The following CFAP47 variants were observed in gnomAD, a reference collection of about 807,000 sequenced individuals.
CFAP47 encodes cilia- and flagella-associated protein 47.
A neutral mutation model predicts 148.1 loss-of-function variants in CFAP47; 29 were observed. The ratio of observed to expected loss-of-function variants is 0.20; its 90% confidence interval spans 0.15 to 0.27. CFAP47 has a LOEUF of 0.27. CFAP47 is among the 10% of genes least tolerant of loss of function. CFAP47 has a pLI of 1.00. For missense variants in CFAP47, 1,872 were observed against 1,697.5 expected (o/e 1.10, Z -1.81); for synonymous variants, 664 against 577.3 (o/e 1.15, Z -2.15).
chrX:36,286,792 T>A (rs993605970), intron 51 of CFAP47, among the ~76,000 whole-genome samples: 24 of 111,304 alleles, frequency 2.2e-4, no homozygotes, highest in Non-Finnish European at 2.5e-4. Context: ...AAAGGAGAAA[T>A]TGGCTTTCTT....
chrX:36,083,022 G>T (rs750674910), intron 29 of CFAP47, among the ~76,000 whole-genome samples: 1 of 110,991 alleles, frequency 9.0e-6, no homozygotes, highest in Non-Finnish European at 1.9e-5. Context: ...TGTTAATATA[G>T]TTATGTATTT....
chrX:36,098,476 C>T, intron 30 of CFAP47, among the ~76,000 whole-genome samples: 1 of 111,124 alleles, frequency 9.0e-6, no homozygotes, highest in Non-Finnish European at 1.9e-5. Context: ...CAGGTGGGTC[C>T]AGAGGTGCTG....
intron 59 of CFAP47, among the ~76,000 whole-genome samples, chrX:36,351,399 A>G (rs782296019): frequency 2.7e-5 from 3 of 111,908 alleles, no homozygotes; most frequent in Admixed American, 9.6e-5. Flanking sequence ...GATATAGCTG[A>G]ACTGCTTAAA....
chrX:36,138,026 A>G lies in CFAP47; in HGVS notation c.5389A>G (p.Thr1797Ala). 1.1e-6 allele frequency: 1 copy of G among 935,549 alleles called. No individual in the cohort carries two copies. Among genetic ancestry groups the G allele is most frequent in the East Asian group, 3.1e-5 (1 of 31,989 alleles). The allele number at this position is 935,549 out of a possible 1,213,427, so 77.1% of individuals were successfully genotyped here. The change falls in exon 34 of 64, where the codon ACA becomes GCA. Residue 1797 changes from threonine (T) to alanine (A), a missense_variant. Transcript: ENST00000378653. ...CCTTTCAGATGGTCTTGTTTTTGCA[A>G]CACAGTTGGGAGCCTATTGCCCATT... ...KDLSDGLVFA[T>A]QLGAYCPFLI...
At chrX:35,997,426 G>A (rs1467838694) in intron 19 of CFAP47, 37 bp downstream of exon 19, 2 of 290,146 alleles carry the variant, frequency 6.9e-6, no homozygotes, top group Admixed American at 6.3e-5. Context: ...GAAACTCTGA[G>A]TGTGGTGATT....
chrX:35,955,869 A>G, intron 7 of CFAP47, 92 bp from the exon 8 acceptor site: 1 of 1,127,934 alleles, frequency 8.9e-7, no homozygotes, highest in East Asian at 3.1e-5. Flanking sequence ...CCCAATTTGC[A>G]TTAGGTATTT....
intron 30 of CFAP47, among the ~76,000 whole-genome samples, chrX:36,092,141 A>G (rs1017184331): frequency 8.9e-6 from 1 of 111,821 alleles, no homozygotes; most frequent in Non-Finnish European, 1.9e-5. Flanking sequence ...TTATATGCAT[A>G]TAAATATGTA....
intron 1 of CFAP47, 64 bp from the exon 2 acceptor site, chrX:35,925,953 C>A (rs1434161656): frequency 2.1e-6 from 2 of 975,250 alleles, no homozygotes; most frequent in Non-Finnish European, 2.8e-6. Flanking sequence ...TTGTGCCCAG[C>A]CATGGTATTT....
chrX:35,975,472 C>A, intron 14 of CFAP47, 109 bp downstream of exon 14: 1 of 633,897 alleles, frequency 1.6e-6, no homozygotes, highest in Non-Finnish European at 2.4e-6. Flanking sequence ...GTTCTCCAAA[C>A]ATAGAAGCTA....
intron 45 of CFAP47, among the ~76,000 whole-genome samples, chrX:36,213,158 T>C (rs1210053771): frequency 9.0e-6 from 1 of 111,656 alleles, no homozygotes; most frequent in Non-Finnish European, 1.9e-5. Context: ...TTTAATTCTG[T>C]CAATGTGTTT....
chrX:36,141,852 A>G lies in CFAP47; in HGVS notation c.5536-3367A>G, dbSNP rs955258531. Among the ~76,000 whole-genome samples the G allele has an allele frequency of 2.7e-5, 3 of 111,124 alleles. No individual in the cohort carries two copies. In the South Asian group the frequency reaches 1.1e-3, roughly 42 times the overall value. ...ACTCCCAAATTTCTGCAGAAGTCTC[A>G]CATAACACCTTCATACAGTTCTGTC... is the stretch of plus-strand genomic sequence containing the variant. On this transcript the variant is annotated intron_variant, in intron 35 of 63. Coordinates refer to ENST00000378653, the MANE Select transcript of CFAP47 (RefSeq NM_001304548.2).
intron 16 of CFAP47, chrX:35,989,696 G>T: frequency 2.7e-6 from 2 of 741,342 alleles, no homozygotes; most frequent in African/African-American, 2.1e-5. Flanking sequence ...GATTAAAAAT[G>T]TGAGTAGAGG....
intron 49 of CFAP47, among the ~76,000 whole-genome samples, chrX:36,252,032 A>T (rs1399630383): frequency 9.0e-6 from 1 of 111,084 alleles, no homozygotes; most frequent in Non-Finnish European, 1.9e-5. Flanking sequence ...AGTAATAGCT[A>T]GTACTGAGTG....
chrX:35,972,680 C>A (rs1414968585), intron 13 of CFAP47, among the ~76,000 whole-genome samples: 1 of 111,933 alleles, frequency 8.9e-6, no homozygotes, highest in East Asian at 2.8e-4. Flanking sequence ...GGTTCACCCA[C>A]GTGGTAGGTA....
intron 40 of CFAP47, among the ~76,000 whole-genome samples, chrX:36,185,926 C>T (rs979650042): frequency 9.0e-6 from 1 of 111,708 alleles, no homozygotes; most frequent in Non-Finnish European, 1.9e-5. Flanking sequence ...TTATATTTCT[C>T]ATTTCCAAAT....
chrX:36,154,131 A>G (rs1939339749), intron 37 of CFAP47, among the ~76,000 whole-genome samples: 1 of 112,110 alleles, frequency 8.9e-6, no homozygotes, highest in South Asian at 3.7e-4. Context: ...TTCAATATGG[A>G]TAAGCTAAGA....
At chrX:36,117,077 A>G (rs1442576627) in intron 33 of CFAP47, among the ~76,000 whole-genome samples, 2 of 112,291 alleles carry the variant, frequency 1.8e-5, no homozygotes, top group African/African-American at 6.5e-5. Context: ...TTAGTAAATC[A>G]CAAGACTTTG....
chrX:36,163,713 G>A (rs1171905660), intron 39 of CFAP47, among the ~76,000 whole-genome samples: 1 of 110,930 alleles, frequency 9.0e-6, no homozygotes, highest in Non-Finnish European at 1.9e-5. Flanking sequence ...GGTTTCAAGT[G>A]ATTCTCTTGC....
chrX:36,226,071 T>C lies in CFAP47; in HGVS notation c.6818-2557T>C, dbSNP rs187914892. Among the ~76,000 whole-genome samples, 16 of 111,857 alleles carry C rather than the reference T, an allele frequency of 1.4e-4. No individual in the cohort carries two copies. In the East Asian group the frequency reaches 4.2e-3, roughly 30 times the overall value. On this transcript the variant is annotated intron_variant, in intron 45 of 63. Coordinates refer to ENST00000378653, the MANE Select transcript of CFAP47 (RefSeq NM_001304548.2). ...TAACCAAAGGGCAAGAAAACAGATTTTTTTGTTCGTTTGTTTTTTAGCAAT... is the reference window on the plus strand; with the variant it reads ...TAACCAAAGGGCAAGAAAACAGATTCTTTTGTTCGTTTGTTTTTTAGCAAT...
Sources: gnomAD v4.1 joint callset for allele counts (sites outside exome capture counted in the v4.1 genomes callset) on GRCh38, gnomAD v4.1.1 for gene constraint, MANE v1.5 for transcripts, NCBI Gene and HGNC (gene_info 2026-07-23, HGNC 2026-07-21) for gene names.